The following ERC1 variants were observed in gnomAD, a reference collection of about 807,000 sequenced individuals.
ERC1 encodes the protein ELKS/RAB6-interacting/CAST family member 1.
A neutral mutation model predicts 132.0 loss-of-function variants in ERC1; 56 were observed. That is an observed-to-expected ratio of 0.42 (90% confidence interval 0.34 to 0.53). ERC1 has a LOEUF of 0.53. ERC1 is among the 20% of genes least tolerant of loss of function. ERC1 has a pLI of 0.03. For missense variants in ERC1, 1,202 were observed against 1,349.9 expected (o/e 0.89, Z 1.72); for synonymous variants, 478 against 476.1 (o/e 1.00, Z -0.05).
At chr12:1,201,923 CTG>C (rs761847534) in intron 12 of ERC1, among the ~76,000 whole-genome samples, 65 of 152,070 alleles carry the variant, frequency 4.3e-4, no homozygotes, top group Non-Finnish European at 8.5e-4. Context: ...AGAGAGATGA[CTG>C]GGGCTGCGGA....
At chr12:1,007,540 C>CTCTCTGTGTGTGTG (rs1555194875) in intron 1 of ERC1, among the ~76,000 whole-genome samples, 2,552 of 122,646 alleles carry the variant, frequency 0.021, 41 homozygotes, top group Middle Eastern at 0.066. Context: ...CTCTCTCTCT[C>CTCTCTGTGTGTGTG]TGTGTGTGTG....
At chr12:1,381,814 T>C (rs2088704483) in intron 16 of ERC1, among the ~76,000 whole-genome samples, 1 of 152,226 alleles carries the variant, frequency 6.6e-6, no homozygotes, top group South Asian at 2.1e-4. Flanking sequence ...TAGCCTGAAG[T>C]CACTATTTTT....
At chr12:1,145,350 G>A (rs185379837) in intron 8 of ERC1, among the ~76,000 whole-genome samples, 1 of 149,982 alleles carries the variant, frequency 6.7e-6, no homozygotes, top group Non-Finnish European at 1.5e-5. Context: ...TTGGCCATTT[G>A]TATATCTTCT....
At chr12:1,434,874 C>T (rs1418300122) in intron 17 of ERC1, among the ~76,000 whole-genome samples, 2 of 152,200 alleles carry the variant, frequency 1.3e-5, no homozygotes, top group African/African-American at 2.4e-5. Flanking sequence ...TTTGCTTAAG[C>T]GTCCACAACT....
intron 16 of ERC1, among the ~76,000 whole-genome samples, chr12:1,383,502 C>T (rs1042726740): frequency 6.6e-6 from 1 of 152,136 alleles, no homozygotes. Context: ...AGTGTGGTGG[C>T]ATGCGCCTGT....
intron 15 of ERC1, among the ~76,000 whole-genome samples, chr12:1,298,568 A>C: frequency 6.6e-6 from 1 of 151,402 alleles, no homozygotes; most frequent in East Asian, 1.9e-4. Flanking sequence ...AAACAAACAA[A>C]GAAAAAGCAC....
chr12:1,276,035 T>C (rs144277279), intron 14 of ERC1, among the ~76,000 whole-genome samples: 11 of 152,264 alleles, frequency 7.2e-5, no homozygotes, highest in East Asian at 5.8e-4. Flanking sequence ...CGAAAACAAG[T>C]GCCAGTTCTT....
chr12:1,396,573 C>G (rs2090562820), intron 16 of ERC1, among the ~76,000 whole-genome samples: 1 of 152,138 alleles, frequency 6.6e-6, no homozygotes, highest in African/African-American at 2.4e-5. Flanking sequence ...GCGCGGAAAG[C>G]CTTTTGTTCC....
chr12:1,084,058 C>T (rs572804624), intron 3 of ERC1, among the ~76,000 whole-genome samples: 5 of 152,204 alleles, frequency 3.3e-5, no homozygotes, highest in African/African-American at 9.6e-5. Context: ...AAACTGTTGC[C>T]TTGCTGTAAA....
At chr12:1,395,060 C>T (rs1327751399) in intron 16 of ERC1, among the ~76,000 whole-genome samples, 1 of 152,158 alleles carries the variant, frequency 6.6e-6, no homozygotes, top group African/African-American at 2.4e-5. Flanking sequence ...AGAACAGATA[C>T]AGCTGGGAGA....
intron 2 of ERC1, among the ~76,000 whole-genome samples, chr12:1,031,247 G>A (rs1967978319): frequency 6.6e-6 from 1 of 152,114 alleles, no homozygotes; most frequent in Admixed American, 6.5e-5. Context: ...CCCATCTACT[G>A]ACAACTTTGC....
intron 12 of ERC1, among the ~76,000 whole-genome samples, chr12:1,212,473 A>G (rs778178892): frequency 6.6e-6 from 1 of 152,104 alleles, no homozygotes; most frequent in Non-Finnish European, 1.5e-5. Context: ...AGCACTTGTT[A>G]TATACTGTAT....
At chr12:1,077,085 A>G (rs1941475225) in intron 2 of ERC1, among the ~76,000 whole-genome samples, 1 of 152,196 alleles carries the variant, frequency 6.6e-6, no homozygotes, top group African/African-American at 2.4e-5. Context: ...TATGTTTCAG[A>G]AAAAAATGTT....
intron 15 of ERC1, among the ~76,000 whole-genome samples, chr12:1,366,638 C>G (rs1187818900): frequency 6.6e-6 from 1 of 152,080 alleles, no homozygotes; most frequent in Non-Finnish European, 1.5e-5. Flanking sequence ...GACCTAATGA[C>G]GATGACCTTG....
chr12:1,112,254 C>G lies in ERC1; in HGVS notation c.1357C>G (p.Gln453Glu). 6.2e-7 allele frequency: 1 copy of G among 1,613,072 alleles called. No individual in the cohort carries two copies. The highest frequency in any genetic ancestry group is 8.5e-7 in the Non-Finnish European group (1 of 1,179,256). Residue 453 changes from glutamine to glutamate, a missense_variant, in exon 6 of 19, where the codon CAA becomes GAA. Gln to Glu is a conservative substitution (Grantham distance 29). Transcript: ENST00000360905. ...GGAGGAACTAAGTTCGAAAGAGGCT[C>G]AATGGGAGGAGCTGAAAAAGAAAGC... ...LKEELSSKEA[Q>E]WEELKKKAAG...
At chr12:1,145,329 T>G (rs1409927685) in intron 8 of ERC1, among the ~76,000 whole-genome samples, 1 of 152,188 alleles carries the variant, frequency 6.6e-6, no homozygotes, top group African/African-American at 2.4e-5. Flanking sequence ...TGTTGAGCTT[T>G]AGTATGTTTG....
At chr12:1,376,724 A>G (rs1053463683) in intron 16 of ERC1, among the ~76,000 whole-genome samples, 2 of 152,234 alleles carry the variant, frequency 1.3e-5, no homozygotes, top group Admixed American at 1.3e-4. Context: ...ATCAGATTGT[A>G]TTAGAATTAG....
intron 3 of ERC1, among the ~76,000 whole-genome samples, chr12:1,104,283 A>C (rs559948758): frequency 1.3e-5 from 2 of 152,304 alleles, no homozygotes; most frequent in South Asian, 4.1e-4. Flanking sequence ...CTGGGGGTGG[A>C]TGCCGTGGAA....
At position 1,193,431 on chromosome 12, in the gene ERC1, T is replaced by TACAC. The variant is rs57726333; in HGVS notation, c.2351+3401_2351+3404dup. Among the ~76,000 whole-genome samples, 330 of 149,146 alleles carry TACAC rather than the reference T, an allele frequency of 2.2e-3. 2 individuals are homozygous for TACAC. The highest frequency in any genetic ancestry group is 5.5e-3 in the Admixed American group (82 of 14,942). Reference sequence around the variant, plus strand: ...TCAGTGAGAAGCAGAATTAGTAGGATACACACACACACACACACACACACA... The same window carrying TACAC: ...TCAGTGAGAAGCAGAATTAGTAGGATACACACACACACACACACACACACACACA... On this transcript the variant is annotated intron_variant, in intron 12 of 18. Transcript: ENST00000360905.
Sources: gnomAD v4.1 joint callset for allele counts (sites outside exome capture counted in the v4.1 genomes callset) on GRCh38, gnomAD v4.1.1 for gene constraint, MANE v1.5 for transcripts, NCBI Gene and HGNC (gene_info 2026-07-23, HGNC 2026-07-21) for gene names.